Variants in TNRC18 observed in about 807,000 individuals in gnomAD.
TNRC18 encodes trinucleotide repeat containing 18.
In TNRC18, 69 loss-of-function variants were observed where a neutral mutation model predicts 226.7. That is an observed-to-expected ratio of 0.30 (90% CI 0.25 to 0.37). The LOEUF (loss-of-function observed/expected upper bound fraction) is 0.37. Among genes scored for constraint, TNRC18 ranks in the 10% least tolerant of loss-of-function variants. The pLI is 1.00. For synonymous variants in TNRC18, 2,449 were observed against 1,927.6 expected (o/e 1.27, Z -7.09); for missense variants, 4,754 against 4,256.6 (o/e 1.12, Z -3.25).
chr7:5,422,556 G>A (rs1050839331), intron 1 of TNRC18, among the ~76,000 whole-genome samples: 3 of 152,176 alleles, frequency 2.0e-5, no homozygotes, highest in African/African-American at 7.2e-5. Flanking sequence ...CCTGATTCCG[G>A]GAGGCCTGGG....
At chr7:5,323,568 G>GTTTTTGT (rs1788598670) in intron 21 of TNRC18, among the ~76,000 whole-genome samples, 1 of 122,272 alleles carries the variant, frequency 8.2e-6, no homozygotes, top group African/African-American at 3.2e-5. Context: ...GCACCAGACA[G>GTTTTTGT]TTTTTTTTTT....
At chr7:5,335,640 G>C (rs552306846) in intron 18 of TNRC18, among the ~76,000 whole-genome samples, 1 of 149,946 alleles carries the variant, frequency 6.7e-6, no homozygotes, top group South Asian at 2.1e-4. Flanking sequence ...GGGAGCCAGA[G>C]AGAGGTCCCC....
At chr7:5,387,217 C>T (rs1450689307) in intron 5 of TNRC18, among the ~76,000 whole-genome samples, 1 of 152,176 alleles carries the variant, frequency 6.6e-6, no homozygotes, top group African/African-American at 2.4e-5. Context: ...ATGTTGGAAC[C>T]CCAGTTTCTG....
At chr7:5,329,476 G>A (rs191732105) in intron 19 of TNRC18, among the ~76,000 whole-genome samples, 11 of 151,828 alleles carry the variant, frequency 7.2e-5, no homozygotes, top group Non-Finnish European at 1.3e-4. Flanking sequence ...TTGAGGTCAG[G>A]AGTTCAAGAT....
intron 18 of TNRC18, among the ~76,000 whole-genome samples, chr7:5,344,255 G>C (rs1189053713): frequency 2.0e-5 from 3 of 152,180 alleles, no homozygotes; most frequent in Non-Finnish European, 2.9e-5. Context: ...GATGGTGGTG[G>C]GTCAGACAGG....
rs372159053 is a variant in TNRC18, at chr7:5,377,686, A to C, written c.2256-110T>G. 2.1e-5 allele frequency: 26 copies of C among 1,258,196 alleles called. No homozygotes were observed. The highest frequency in any genetic ancestry group is 1.8e-4 in the East Asian group (7 of 39,110). 77.9% of individuals were successfully genotyped at this position (1,258,196 alleles called of 1,614,324 possible). Reference sequence around the variant, plus strand: ...TTGCCACCAGGCCATGAGTCAGGACAACCACTGCTCGGAACTGAAGGGCCT... The same window carrying C: ...TTGCCACCAGGCCATGAGTCAGGACCACCACTGCTCGGAACTGAAGGGCCT... On this transcript the variant is annotated intron_variant, in intron 6 of 29. Transcript: ENST00000430969. This position sits in a 1 kb window ranked among gnomAD's most constrained non-coding sequence, Gnocchi z 5.8.
chr7:5,412,707 C>G (rs1231738286), intron 2 of TNRC18, among the ~76,000 whole-genome samples: 1 of 152,122 alleles, frequency 6.6e-6, no homozygotes, highest in East Asian at 1.9e-4. Flanking sequence ...CATCACATGC[C>G]CTTTAACTGG....
chr7:5,336,051 A>T (rs1790080841), intron 18 of TNRC18, among the ~76,000 whole-genome samples: 1 of 152,018 alleles, frequency 6.6e-6, no homozygotes, highest in Non-Finnish European at 1.5e-5. Flanking sequence ...TACAAAAAAT[A>T]CAAAAATTAT....
chr7:5,335,659 T>A (rs1034196980), intron 18 of TNRC18, among the ~76,000 whole-genome samples: 1 of 149,950 alleles, frequency 6.7e-6, no homozygotes, highest in Non-Finnish European at 1.5e-5. Flanking sequence ...CCATGCTCTC[T>A]CTCTCCCCAG....
chr7:5,354,823 G>A (rs571518454), intron 16 of TNRC18, among the ~76,000 whole-genome samples: 3 of 152,182 alleles, frequency 2.0e-5, no homozygotes, highest in East Asian at 3.9e-4. Context: ...CTCACTTAAG[G>A]CCCCCAACGA....
chr7:5,413,328 C>A (rs1562639653), intron 2 of TNRC18, among the ~76,000 whole-genome samples: 1 of 152,126 alleles, frequency 6.6e-6, no homozygotes, highest in Non-Finnish European at 1.5e-5. Context: ...CCTCCCCATC[C>A]CTCCACAAGT....
At chr7:5,382,046 A>C (rs1298254428) in intron 5 of TNRC18, among the ~76,000 whole-genome samples, 2 of 152,188 alleles carry the variant, frequency 1.3e-5, no homozygotes, top group Non-Finnish European at 2.9e-5. Flanking sequence ...CCCTGTGCCC[A>C]GCAGGGCCCC....
In TNRC18 at chr7:5,388,807, G is replaced by C; in HGVS notation, c.1017C>G (p.Pro339=). The change falls in exon 5 of 30, where the codon CCC becomes CCG. Residue 339 remains proline (P), a synonymous_variant. Coordinates refer to ENST00000430969, the MANE Select transcript of TNRC18 (RefSeq NM_001080495.3). ...RPCPSPLPPP[P]APPKGPPAPP... is the part of the protein sequence containing the mutation. ...GTGCAGGAGGCCCCTTGGGGGGCGC[G>C]GGCGGCGGGGGCAGCGGTGAGGGGC... is the stretch of plus-strand genomic sequence containing the variant. 8.4e-7 allele frequency: 1 copy of C among 1,190,434 alleles called. No individual in the cohort carries two copies. The highest frequency in any genetic ancestry group is 1.0e-6 in the Non-Finnish European group (1 of 960,484). 73.7% of individuals were successfully genotyped at this position (1,190,434 alleles called of 1,614,324 possible).
At chr7:5,383,906 C>T (rs1779570888) in intron 5 of TNRC18, among the ~76,000 whole-genome samples, 1 of 150,006 alleles carries the variant, frequency 6.7e-6, no homozygotes, top group East Asian at 2.0e-4. Context: ...TATCCTCCCA[C>T]TTTAGCCTCC....
chr7:5,374,477 C>T lies in TNRC18; in HGVS notation c.2807G>A (p.Arg936Gln), dbSNP rs377407778. The change falls in exon 10 of 30, where the codon CGG (arginine) becomes CAG (glutamine). Residue 936 changes from arginine to glutamine, a missense_variant. By Grantham distance (43) the Arg-to-Gln change is conservative (BLOSUM62 1). Coordinates refer to ENST00000430969, the MANE Select transcript of TNRC18 (RefSeq NM_001080495.3). ...LQRSAQLVQERLKAQEHRAEM... is the reference protein window; with the variant it reads ...LQRSAQLVQEQLKAQEHRAEM... The stretch of plus-strand genomic sequence containing the variant: ...CGCCCGGTGCTCCTGCGCCTTCAAC[C>T]GCTCCTGCTGGGAAGGGGCCGGCAG... The T allele has an allele frequency of 5.4e-5, 84 of 1,546,452 alleles. No homozygotes were observed. Among genetic ancestry groups the T allele is most frequent in the Middle Eastern group, 3.6e-4 (2 of 5,574 alleles).
At chr7:5,339,571 GTGTGTGTT>G (rs1245991093) in intron 18 of TNRC18, among the ~76,000 whole-genome samples, 22 of 148,024 alleles carry the variant, frequency 1.5e-4, no homozygotes, top group African/African-American at 5.2e-4. Flanking sequence ...GTGTGTGTGT[GTGTGTGTT>G]TTTCGACAGA....
Position 5,357,022 on chromosome 7 carries a change from G to C in TNRC18, c.5088C>G (p.His1696Gln). The change falls in exon 16 of 30, where the codon CAC (histidine) becomes CAG (glutamine). Residue 1696 changes from histidine to glutamine, a missense_variant. His to Gln is a conservative substitution (Grantham distance 24). Transcript: ENST00000430969. Reference sequence around the variant, plus strand: ...TCTTCCTGGTTTTGGCTGCCCTTTTGTGTTTACCTTCTCTGGAGGATTTCA... The same window carrying C: ...TCTTCCTGGTTTTGGCTGCCCTTTTCTGTTTACCTTCTCTGGAGGATTTCA... ...LSLKSSREGK[H>Q]KRAAKTRKME... The C allele has an allele frequency of 1.9e-6, 3 of 1,552,292 alleles. No individual in the cohort carries two copies. Among genetic ancestry groups the C allele is most frequent in the Non-Finnish European group, 2.6e-6 (3 of 1,147,116 alleles).
chr7:5,401,226 T>TC (rs1435508614), intron 2 of TNRC18, among the ~76,000 whole-genome samples: 1 of 23,950 alleles, frequency 4.2e-5, no homozygotes, highest in African/African-American at 3.4e-4. Flanking sequence ...CTGGTTCGAG[T>TC]CGGGGGGGGG....
rs372373497 is a variant in TNRC18 at position 5,360,378 on chromosome 7, C to T, written c.4662-809G>A. 3.9e-5 allele frequency among the ~76,000 whole-genome samples: 6 copies of T among 152,098 alleles called. No homozygotes were observed. In the South Asian group the frequency reaches 8.3e-4, roughly 21 times the overall value. ...CCAAATAGCTGGGATTACAGGCACA[C>T]ACCACCACACCTGGCTAATTTTTGT... On this transcript the variant is annotated intron_variant, in intron 14 of 29. Coordinates refer to ENST00000430969, the MANE Select transcript of TNRC18 (RefSeq NM_001080495.3).
Sources: gnomAD v4.1 joint callset for allele counts (sites outside exome capture counted in the v4.1 genomes callset) on GRCh38, gnomAD v4.1.1 for gene constraint, Gnocchi (gnomAD v3.1) non-coding constraint, MANE v1.5 for transcripts, NCBI Gene and HGNC (gene_info 2026-07-23, HGNC 2026-07-21) for gene names.